The following UGGT1 variants were observed in gnomAD, a reference collection of about 807,000 sequenced individuals.
The protein encoded by UGGT1 is UDP-glucose glycoprotein glucosyltransferase 1, also known as UDP-glucose:glycoprotein glucosyltransferase 1.
A neutral mutation model predicts 203.9 loss-of-function variants in UGGT1; 107 were observed. The observed-to-expected ratio is 0.52, with a 90% CI of 0.45 to 0.62. The LOEUF is 0.62. UGGT1 is among the 20% of genes least tolerant of loss of function. UGGT1 has a pLI of 0.00. For synonymous variants in UGGT1, 628 were observed against 653.5 expected (o/e 0.96, Z 0.59); for missense variants, 1,673 against 1,867.2 (o/e 0.90, Z 1.92).
chr2:128,141,045 C>G (rs781741809), intron 16 of UGGT1, among the ~76,000 whole-genome samples: 7 of 151,872 alleles, frequency 4.6e-5, no homozygotes, highest in Non-Finnish European at 1.0e-4. Flanking sequence ...CACTTGAGGC[C>G]AGGCGCAGTG....
In UGGT1 at chr2:128,157,280, T is replaced by C. The variant is rs1437203806; in HGVS notation, c.2289T>C (p.Phe763=). The C allele has an allele frequency of 1.9e-6, 3 of 1,614,190 alleles. No individual in the cohort carries two copies. The East Asian group carries it at 6.7e-5, about 36-fold the overall frequency. ...ATTCTTTTATTAGGCCAGTAACTTT[T>C]TGGATTGTTGGGGATTTTGATAGCC... ...YDDSFIRPVT[F]WIVGDFDSPS... The change falls in exon 22 of 41, where the codon TTT becomes TTC. Residue 763 remains phenylalanine (F), a synonymous_variant. Transcript: ENST00000259253.
At chr2:128,178,758 A>G (rs535516343) in intron 34 of UGGT1, among the ~76,000 whole-genome samples, 189 bp downstream of exon 34, 2 of 152,288 alleles carry the variant, frequency 1.3e-5, no homozygotes, top group East Asian at 1.9e-4. Context: ...AAGTTGAACT[A>G]TGTAGTGAGT....
chr2:128,185,608 G>A (rs190356105), intron 38 of UGGT1, among the ~76,000 whole-genome samples: 102 of 151,848 alleles, frequency 6.7e-4, no homozygotes, highest in African/African-American at 2.4e-3. Context: ...TGAGCAGCTG[G>A]GACGACAGGC....
At position 128,174,644 on chromosome 2, in the gene UGGT1, G is replaced by A. The variant is rs1275299179; in HGVS notation, c.3454-129G>A. ...GTGTAGTTTTGGTTTTTTAAGAGTT[G>A]CATTGATTTGTTTACTGTGTTATTC... On this transcript the variant is annotated intron_variant, in intron 30 of 40. Coordinates refer to ENST00000259253, the MANE Select transcript of UGGT1 (RefSeq NM_020120.4). The A allele has an allele frequency of 1.3e-5, 11 of 830,274 alleles. No individual in the cohort carries two copies. The African/African-American group carries it at 1.9e-4, about 14-fold the overall frequency. The allele number at this position is 830,274 out of a possible 1,614,324, so 51.4% of individuals were successfully genotyped here.
At chr2:128,172,380 T>C (rs1469210794) in intron 28 of UGGT1, among the ~76,000 whole-genome samples, 193 bp from the exon 29 acceptor site, 1 of 152,118 alleles carries the variant, frequency 6.6e-6, no homozygotes, top group Non-Finnish European at 1.5e-5. Context: ...CTTGTTTGCC[T>C]TTTCTTGCAT....
intron 34 of UGGT1, 113 bp downstream of exon 34, chr2:128,178,682 C>A: frequency 2.3e-6 from 2 of 869,450 alleles, no homozygotes; most frequent in Non-Finnish European, 3.5e-6. Context: ...GTCTTTGAAG[C>A]ACTCTGAGCA....
chr2:128,187,554 CAGA>C lies in UGGT1; in HGVS notation c.4585_4587del (p.Lys1529del), dbSNP rs1242533165. 2 of 1,614,040 alleles carry C rather than the reference CAGA, an allele frequency of 1.2e-6. No individual in the cohort carries two copies. Among genetic ancestry groups the C allele is most frequent in the South Asian group, 1.1e-5 (1 of 91,058 alleles). ...GATCAAACAGCTACAGATCCGCTTT[CAGA>C]AGGAGAAAGAAACGGGAGCACTGTA... On this transcript the variant is annotated inframe_deletion, in exon 40 of 41. Coordinates refer to ENST00000259253, the MANE Select transcript of UGGT1 (RefSeq NM_020120.4).
rs1410641609 is a variant in UGGT1 at position 128,108,060 on chromosome 2, T to C, written c.400T>C (p.Phe134Leu). ...TTCTTACTCAGCTACAATCCAAGCC[T>C]TCCAGCAGGTGGGTCCAGTGCTCTT... ...LRSYSATIQA[F>L]QQIAADEPPP... Residue 134 changes from phenylalanine to leucine, a missense_variant, in exon 4 of 41, where the codon TTC (phenylalanine) becomes CTC (leucine). This residue lies in a region of UGGT1 where 1,073 missense variants were observed against 1,078.7 expected (regional missense o/e 0.99). Transcript: ENST00000259253. 1 of 1,613,998 alleles carries C rather than the reference T, an allele frequency of 6.2e-7. No homozygotes were observed. The highest frequency in any genetic ancestry group is 8.5e-7 in the Non-Finnish European group (1 of 1,179,998).
intron 24 of UGGT1, 30 bp downstream of exon 24, chr2:128,160,621 T>A: frequency 6.3e-7 from 1 of 1,595,072 alleles, no homozygotes; most frequent in East Asian, 2.3e-5. Flanking sequence ...GACTTCACAT[T>A]AGATCCGTGA....
At chr2:128,114,507 G>A (rs1688006895) in intron 6 of UGGT1, among the ~76,000 whole-genome samples, 2 of 152,136 alleles carry the variant, frequency 1.3e-5, no homozygotes, top group South Asian at 4.1e-4. Flanking sequence ...TTGCTGTTAG[G>A]ATGGATGTTA....
At chr2:128,133,284 T>C in intron 14 of UGGT1, 24 bp downstream of exon 14, 1 of 1,591,696 alleles carries the variant, frequency 6.3e-7, no homozygotes, top group Non-Finnish European at 8.5e-7. Context: ...ATTGTCTGGC[T>C]GTGAACTCTG....
Position 128,154,058 on chromosome 2 carries a change from T to TACACACACAC in UGGT1, c.2137+1155_2137+1156insCACACACACA, listed in dbSNP as rs768281875. The stretch of plus-strand genomic sequence containing the variant: ...TAGGTAGAGGAAAAATACATGTATA[T>TACACACACAC]ATACACACACACACACACACACACA... On this transcript the variant is annotated intron_variant, in intron 19 of 40. Coordinates refer to ENST00000259253, the MANE Select transcript of UGGT1 (RefSeq NM_020120.4). Among the ~76,000 whole-genome samples, 465 of 86,892 alleles carry TACACACACAC rather than the reference T, an allele frequency of 5.4e-3. 4 individuals are homozygous for TACACACACAC. Among genetic ancestry groups the TACACACACAC allele is most frequent in the African/African-American group, 0.017 (414 of 24,960 alleles). 57.0% of individuals were successfully genotyped at this position (86,892 alleles called of 152,430 possible).
At chr2:128,168,376 T>TA (rs1690901717) in intron 26 of UGGT1, among the ~76,000 whole-genome samples, 1 of 152,234 alleles carries the variant, frequency 6.6e-6, no homozygotes. Flanking sequence ...TCAACACAGA[T>TA]ACAAAGCTAT....
intron 29 of UGGT1, 38 bp from the exon 30 acceptor site, chr2:128,173,743 C>G (rs756061225): frequency 1.2e-6 from 2 of 1,606,716 alleles, no homozygotes; most frequent in Admixed American, 1.7e-5. Context: ...TTCATGTTGT[C>G]TCTGAGTGCA....
intron 25 of UGGT1, among the ~76,000 whole-genome samples, chr2:128,163,072 A>C (rs1232903964): frequency 6.6e-6 from 1 of 152,028 alleles, no homozygotes; most frequent in Non-Finnish European, 1.5e-5. Context: ...GGCTGTGTAT[A>C]CTTTGATCAT....
intron 28 of UGGT1, 39 bp from the exon 29 acceptor site, chr2:128,172,534 A>G (rs1451226848): frequency 2.5e-6 from 4 of 1,606,316 alleles, no homozygotes; most frequent in Non-Finnish European, 3.4e-6. Context: ...TCCTGTTGTC[A>G]CATCGAAAAT....
chr2:128,161,310 G>A (rs1690519025), intron 25 of UGGT1, 42 bp downstream of exon 25: 2 of 1,598,340 alleles, frequency 1.3e-6, no homozygotes, highest in African/African-American at 2.7e-5. Context: ...TTATATAATT[G>A]GACTTTCCTC....
rs1687682508 is a variant in UGGT1, at chr2:128,108,063, C to T, written c.403C>T (p.Gln135Ter). 3 of 1,613,932 alleles carry T rather than the reference C, an allele frequency of 1.9e-6. No homozygotes were observed. Among genetic ancestry groups the T allele is most frequent in the African/African-American group, 1.3e-5 (1 of 74,928 alleles). The change falls in exon 4 of 41, where the codon CAG (glutamine) becomes TAG (stop). Residue 135 changes from glutamine (Q) to a stop codon, truncating the protein, a stop_gained. Transcript: ENST00000259253. LOFTEE classifies it high-confidence loss of function. The part of the protein sequence containing the change: ...RSYSATIQAF[Q>*]QIAADEPPPE... ...TTACTCAGCTACAATCCAAGCCTTC[C>T]AGCAGGTGGGTCCAGTGCTCTTAAA...
At chr2:128,145,461 T>C (rs904426924) in intron 17 of UGGT1, among the ~76,000 whole-genome samples, 1 of 151,912 alleles carries the variant, frequency 6.6e-6, no homozygotes, top group African/African-American at 2.4e-5. Context: ...CCGTAGAATA[T>C]GTAGTTCAGT....
Sources: allele counts gnomAD v4.1 joint callset (sites outside exome capture counted in the v4.1 genomes callset), GRCh38; gene constraint gnomAD v4.1.1; regional missense constraint gnomAD v4.1.1; transcripts MANE v1.5; gene names NCBI Gene and HGNC (gene_info 2026-07-23, HGNC 2026-07-21).